ATP6V0E1: variants seen among roughly 807,000 people sequenced by gnomAD.
ATP6V0E1 encodes the protein ATPase H+ transporting V0 subunit e1.
ATP6V0E1 carries 4 observed loss-of-function variants against 11.6 expected under a neutral mutation model. The observed-to-expected ratio is 0.35, with a 90% CI of 0.17 to 0.79. The LOEUF (loss-of-function observed/expected upper bound fraction) is 0.79. ATP6V0E1 is among the 30% of genes least tolerant of loss of function. The probability of loss-of-function intolerance (pLI) is 0.54; values close to 1 mark genes in which losing one functional copy is unlikely to be tolerated. For missense variants in ATP6V0E1, 105 were observed against 100.0 expected (o/e 1.05, Z -0.21); for synonymous variants, 36 against 34.8 (o/e 1.04, Z -0.13).
chr5:173,023,234 C>G (rs1323258153), intron 3 of ATP6V0E1, among the ~76,000 whole-genome samples: 1 of 152,116 alleles, frequency 6.6e-6, no homozygotes, highest in Non-Finnish European at 1.5e-5. Context: ...TGCTCTATCA[C>G]CCAGTCTAGA....
intron 2 of ATP6V0E1, among the ~76,000 whole-genome samples, chr5:173,003,124 A>G (rs1756183765): frequency 6.6e-6 from 1 of 152,110 alleles, no homozygotes; most frequent in South Asian, 2.1e-4. Flanking sequence ...TGTAAGGCCC[A>G]GGCCAGGTGG....
intron 2 of ATP6V0E1, among the ~76,000 whole-genome samples, chr5:173,010,646 G>A (rs1487347477): frequency 6.6e-6 from 1 of 152,148 alleles, no homozygotes; most frequent in African/African-American, 2.4e-5. Context: ...TCGTTTTAGT[G>A]GCGCTAGGGC....
intron 2 of ATP6V0E1, among the ~76,000 whole-genome samples, chr5:173,001,734 C>T (rs1581628059): frequency 6.6e-6 from 1 of 151,334 alleles, no homozygotes. Context: ...TTCTTTTCCC[C>T]CGAGACGGAG....
chr5:173,016,811 G>T (rs1756407669), intron 2 of ATP6V0E1, among the ~76,000 whole-genome samples: 1 of 152,144 alleles, frequency 6.6e-6, no homozygotes, highest in Admixed American at 6.6e-5. Flanking sequence ...ATGTCAGATG[G>T]ATGATGTTGA....
At chr5:173,025,148 T>C (rs1368008796) in intron 3 of ATP6V0E1, among the ~76,000 whole-genome samples, 1 of 148,172 alleles carries the variant, frequency 6.7e-6, no homozygotes, top group African/African-American at 2.5e-5. Flanking sequence ...GCATTCTTTT[T>C]TTTTTTTTTT....
At chr5:172,984,990 T>G (rs1755858568) in intron 1 of ATP6V0E1, among the ~76,000 whole-genome samples, 1 of 152,216 alleles carries the variant, frequency 6.6e-6, no homozygotes, top group Admixed American at 6.5e-5. Context: ...CTCACGCCTG[T>G]AATCCCAGCA....
intron 3 of ATP6V0E1, among the ~76,000 whole-genome samples, chr5:173,029,136 A>G (rs1485910833): frequency 2.6e-5 from 4 of 152,142 alleles, no homozygotes; most frequent in African/African-American, 9.7e-5. Context: ...AAAATACTTG[A>G]GTGCTTGTGA....
rs184210948 is a variant in ATP6V0E1, at chr5:173,008,012, C to T, written c.153-12226C>T. 4.8e-4 allele frequency among the ~76,000 whole-genome samples: 73 copies of T among 152,328 alleles called. 1 individual carries two copies. The East Asian group carries it at 0.014, about 29-fold the overall frequency. ...AGGCTACAAGATCAAAGAGGTACCACGTTCTGGCCTCGAGCCATAGTAGGC... is the reference window on the plus strand; with the variant it reads ...AGGCTACAAGATCAAAGAGGTACCATGTTCTGGCCTCGAGCCATAGTAGGC... On this transcript the variant is annotated intron_variant, in intron 2 of 3. Coordinates refer to ENST00000519374, the MANE Select transcript of ATP6V0E1 (RefSeq NM_003945.4).
chr5:172,992,540 TC>T (rs1448681314), intron 1 of ATP6V0E1, among the ~76,000 whole-genome samples: 1 of 152,018 alleles, frequency 6.6e-6, no homozygotes, highest in Non-Finnish European at 1.5e-5. Context: ...CCTGGAACAC[TC>T]CGTCACCTTG....
chr5:173,034,739 G>T lies in ATP6V0E1; in HGVS notation c.*377G>T. Reference sequence around the variant, plus strand: ...ATCAGTGAAGTGTTTAGAAACTGCTGCAAGACAAACAAGACTCCAGTGGGG... The same window carrying T: ...ATCAGTGAAGTGTTTAGAAACTGCTTCAAGACAAACAAGACTCCAGTGGGG... On this transcript the variant is annotated 3_prime_UTR_variant, in exon 4 of 4. Transcript: ENST00000519374. 2.8e-6 allele frequency: 1 copy of T among 357,700 alleles called. No homozygotes were observed. Among genetic ancestry groups the T allele is most frequent in the Non-Finnish European group, 5.2e-6 (1 of 191,684 alleles). 22.2% of individuals were successfully genotyped at this position (357,700 alleles called of 1,614,324 possible).
At chr5:173,028,377 C>G (rs1413621160) in intron 3 of ATP6V0E1, among the ~76,000 whole-genome samples, 1 of 152,090 alleles carries the variant, frequency 6.6e-6, no homozygotes, top group Non-Finnish European at 1.5e-5. Context: ...GAACTTTTAC[C>G]TAATGGTGAG....
rs777957435 is a variant in ATP6V0E1 at position 173,018,870 on chromosome 5, A to G, written c.153-1368A>G. 1.8e-4 allele frequency among the ~76,000 whole-genome samples: 28 copies of G among 152,318 alleles called. No homozygotes were observed. The East Asian group carries it at 2.3e-3, about 13-fold the overall frequency. On this transcript the variant is annotated intron_variant, in intron 2 of 3. Coordinates refer to ENST00000519374, the MANE Select transcript of ATP6V0E1 (RefSeq NM_003945.4). Reference sequence around the variant, plus strand: ...AGTGATTCTCAAAACTTTATTTGGCATATGAATTACCGTATCATATATAAG... The same window carrying G: ...AGTGATTCTCAAAACTTTATTTGGCGTATGAATTACCGTATCATATATAAG...
chr5:173,020,002 GACTT>G (rs955768352), intron 2 of ATP6V0E1, among the ~76,000 whole-genome samples: 1 of 152,180 alleles, frequency 6.6e-6, no homozygotes, highest in African/African-American at 2.4e-5. Context: ...AAAAGTCAGA[GACTT>G]ACTGTGACAA....
At chr5:173,017,785 G>A (rs1175609120) in intron 2 of ATP6V0E1, among the ~76,000 whole-genome samples, 5 of 148,356 alleles carry the variant, frequency 3.4e-5, no homozygotes, top group Non-Finnish European at 5.9e-5. Flanking sequence ...AGGTTGTGGT[G>A]AGCTGAGATC....
intron 1 of ATP6V0E1, among the ~76,000 whole-genome samples, chr5:172,984,391 C>T (rs1282651784): frequency 1.3e-5 from 2 of 152,172 alleles, no homozygotes; most frequent in African/African-American, 4.8e-5. Flanking sequence ...GCTTCTCTGC[C>T]TCCCATGCTG....
intron 2 of ATP6V0E1, among the ~76,000 whole-genome samples, chr5:172,997,320 A>G (rs912298295): frequency 5.3e-5 from 8 of 152,254 alleles, no homozygotes; most frequent in Non-Finnish European, 1.2e-4. Flanking sequence ...GTAGAAAACA[A>G]GAAATATTCC....
chr5:172,983,811 T>G lies in ATP6V0E1; in HGVS notation c.-50T>G. The stretch of plus-strand genomic sequence containing the variant: ...GCGGTCAGCTATTGACACTTCCTGG[T>G]GGGATCCGAGTGAGGCGACGGGGTA... On this transcript the variant is annotated 5_prime_UTR_variant, in exon 1 of 4. Coordinates refer to ENST00000519374, the MANE Select transcript of ATP6V0E1 (RefSeq NM_003945.4). 11 of 1,561,716 alleles carry G rather than the reference T, an allele frequency of 7.0e-6. No individual in the cohort carries two copies. The highest frequency in any genetic ancestry group is 9.7e-6 in the Non-Finnish European group (11 of 1,134,014).
chr5:173,003,419 A>G (rs1756187978), intron 2 of ATP6V0E1, among the ~76,000 whole-genome samples: 1 of 152,164 alleles, frequency 6.6e-6, no homozygotes, highest in South Asian at 2.1e-4. Flanking sequence ...GCTGACACTA[A>G]ATAAGGAGTT....
At chr5:173,020,620 A>G (rs773133360) in intron 3 of ATP6V0E1, 12 of 541,712 alleles carry the variant, frequency 2.2e-5, no homozygotes, top group African/African-American at 9.5e-5. Context: ...TTAAGCTTGC[A>G]TGCACTCTTT....
Sources: allele counts gnomAD v4.1 joint callset (sites outside exome capture counted in the v4.1 genomes callset), GRCh38; gene constraint gnomAD v4.1.1; transcripts MANE v1.5; gene names NCBI Gene and HGNC (gene_info 2026-07-23, HGNC 2026-07-21).